The following IL1RAPL1 variants were observed in gnomAD, a reference collection of about 807,000 sequenced individuals.
IL1RAPL1 encodes the protein interleukin-1 receptor accessory protein-like 1.
In IL1RAPL1, 3 loss-of-function variants were observed where a neutral mutation model predicts 48.4. That is an observed-to-expected ratio of 0.06 (90% CI 0.03 to 0.16). IL1RAPL1 has a LOEUF of 0.16. Among genes scored for constraint, IL1RAPL1 ranks in the 10% least tolerant of loss-of-function variants. IL1RAPL1 has a pLI of 1.00. For missense variants in IL1RAPL1, 349 were observed against 530.6 expected (o/e 0.66, Z 3.36); for synonymous variants, 185 against 187.7 (o/e 0.99, Z 0.12).
At chrX:29,811,732 T>A (rs1361227257) in intron 6 of IL1RAPL1, among the ~76,000 whole-genome samples, 1 of 112,083 alleles carries the variant, frequency 8.9e-6, no homozygotes, top group Non-Finnish European at 1.9e-5. Flanking sequence ...GTATACCTAT[T>A]TGAAAACTTA....
At chrX:28,713,619 G>C (rs942076054) in intron 1 of IL1RAPL1, among the ~76,000 whole-genome samples, 17 of 111,129 alleles carry the variant, frequency 1.5e-4, no homozygotes, top group African/African-American at 5.6e-4. Context: ...CTTTGCCTCA[G>C]ATTTTTCATT....
intron 2 of IL1RAPL1, among the ~76,000 whole-genome samples, chrX:28,811,038 A>G (rs1936788421): frequency 9.0e-6 from 1 of 110,826 alleles, no homozygotes; most frequent in Admixed American, 9.6e-5. Context: ...TACTAAGTAT[A>G]AATGACAACT....
At chrX:29,564,653 G>A (rs573595176) in intron 5 of IL1RAPL1, among the ~76,000 whole-genome samples, 4 of 112,973 alleles carry the variant, frequency 3.5e-5, no homozygotes, top group Non-Finnish European at 7.5e-5. Context: ...TTAATGGTCC[G>A]TGGGAAGCTA....
At chrX:29,920,514 G>C (rs1312771563) in intron 8 of IL1RAPL1, among the ~76,000 whole-genome samples, 2 of 110,503 alleles carry the variant, frequency 1.8e-5, no homozygotes, top group East Asian at 5.7e-4. Flanking sequence ...GATATTAGGG[G>C]CCGGGTGCAG....
chrX:28,642,894 AT>A (rs1171717621), intron 1 of IL1RAPL1, among the ~76,000 whole-genome samples: 191 of 103,839 alleles, frequency 1.8e-3, no homozygotes, highest in Middle Eastern at 4.9e-3. Context: ...TTTTGAAAAG[AT>A]TTTTTTTTTT....
At chrX:29,224,176 C>T (rs1029415931) in intron 2 of IL1RAPL1, among the ~76,000 whole-genome samples, 2 of 110,986 alleles carry the variant, frequency 1.8e-5, no homozygotes, top group South Asian at 3.9e-4. Context: ...CCCCGAGATA[C>T]GGACAGAATT....
intron 2 of IL1RAPL1, among the ~76,000 whole-genome samples, chrX:29,249,150 G>A (rs1931565723): frequency 9.0e-6 from 1 of 111,624 alleles, no homozygotes; most frequent in African/African-American, 3.3e-5. Flanking sequence ...TGTCTCTAGG[G>A]AGGGGAACTC....
chrX:29,697,350 G>T (rs1234817746), intron 6 of IL1RAPL1, among the ~76,000 whole-genome samples: 1 of 112,454 alleles, frequency 8.9e-6, no homozygotes, highest in Admixed American at 9.4e-5. Context: ...ACATACAACT[G>T]TAAGAATGAT....
intron 2 of IL1RAPL1, among the ~76,000 whole-genome samples, chrX:28,915,333 A>G (rs773796944): frequency 9.0e-6 from 1 of 111,223 alleles, no homozygotes; most frequent in East Asian, 2.8e-4. Flanking sequence ...ATTCTCTGAT[A>G]TTTTACCATG....
chrX:28,749,975 T>C (rs1370567031), intron 1 of IL1RAPL1, among the ~76,000 whole-genome samples: 2 of 107,422 alleles, frequency 1.9e-5, no homozygotes, highest in Non-Finnish European at 3.8e-5. Context: ...TTTTTTGAGA[T>C]GGAGTCTTAC....
At chrX:29,482,501 T>C (rs1410409416) in intron 5 of IL1RAPL1, among the ~76,000 whole-genome samples, 2 of 112,492 alleles carry the variant, frequency 1.8e-5, no homozygotes, top group African/African-American at 6.4e-5. Flanking sequence ...TTAGTGTTTA[T>C]TAAATAGAAT....
At chrX:28,819,303 T>G (rs1009209911) in intron 2 of IL1RAPL1, among the ~76,000 whole-genome samples, 3 of 111,669 alleles carry the variant, frequency 2.7e-5, no homozygotes, top group Non-Finnish European at 5.7e-5. Flanking sequence ...TTGTTATATA[T>G]GTGCATGTTT....
chrX:28,956,730 G>T (rs1164910288), intron 2 of IL1RAPL1, among the ~76,000 whole-genome samples: 20 of 108,485 alleles, frequency 1.8e-4, no homozygotes, highest in Non-Finnish European at 3.2e-4. Context: ...TCTCTTTTTT[G>T]GTTGTGTCTC....
chrX:28,610,293 T>C (rs899823933), intron 1 of IL1RAPL1, among the ~76,000 whole-genome samples: 5 of 112,258 alleles, frequency 4.5e-5, no homozygotes, highest in African/African-American at 1.6e-4. Context: ...ATCCTGTTGT[T>C]ACCCATTCCC....
At chrX:28,739,296 CT>C (rs1935881091) in intron 1 of IL1RAPL1, among the ~76,000 whole-genome samples, 1 of 111,406 alleles carries the variant, frequency 9.0e-6, no homozygotes. Flanking sequence ...TGTAATTTTC[CT>C]CCTTACCACA....
intron 2 of IL1RAPL1, among the ~76,000 whole-genome samples, chrX:28,814,021 A>T (rs938108504): frequency 1.8e-5 from 2 of 110,695 alleles, no homozygotes; most frequent in Non-Finnish European, 3.8e-5. Context: ...GATTACCTCA[A>T]CTTCTTGGTT....
intron 6 of IL1RAPL1, among the ~76,000 whole-genome samples, chrX:29,679,171 A>T (rs1184812447): frequency 1.8e-5 from 2 of 111,898 alleles, no homozygotes; most frequent in Non-Finnish European, 3.8e-5. Context: ...ACTTAACAAT[A>T]CGGCAGGTCC....
chrX:29,168,228 A>G (rs915661575), intron 2 of IL1RAPL1, among the ~76,000 whole-genome samples: 7 of 108,773 alleles, frequency 6.4e-5, no homozygotes, highest in Non-Finnish European at 1.1e-4. Flanking sequence ...CTTGAAATAT[A>G]TATTACATTG....
At chrX:28,814,784 TTTGA>T (rs75419851) in intron 2 of IL1RAPL1, among the ~76,000 whole-genome samples, 45,621 of 107,694 alleles carry the variant, frequency 0.42, 7,366 homozygotes, top group Middle Eastern at 0.63. Context: ...CTTTTCTGGC[TTTGA>T]TTGAGCATTT....
Sources: gnomAD v4.1 joint callset for allele counts (sites outside exome capture counted in the v4.1 genomes callset) on GRCh38, gnomAD v4.1.1 for gene constraint, MANE v1.5 for transcripts, NCBI Gene and HGNC (gene_info 2026-07-23, HGNC 2026-07-21) for gene names.